The following CNOT4 variants were observed in gnomAD, a reference collection of about 807,000 sequenced individuals.
CNOT4 encodes the protein CCR4-associated factor 4.
In CNOT4, 8 loss-of-function variants were observed where a neutral mutation model predicts 73.8. The ratio of observed to expected loss-of-function variants is 0.11; its 90% confidence interval spans 0.06 to 0.20. The LOEUF (loss-of-function observed/expected upper bound fraction) is 0.20, where lower values mean the gene tolerates loss of function less well. Ranked by LOEUF, CNOT4 falls within the 10% of genes least tolerant of loss-of-function variation. The probability of loss-of-function intolerance (pLI) is 1.00; values close to 1 mark genes in which losing one functional copy is unlikely to be tolerated. For missense variants in CNOT4, 564 were observed against 883.4 expected (o/e 0.64, Z 4.58); for synonymous variants, 293 against 321.1 (o/e 0.91, Z 0.94).
intron 10 of CNOT4, among the ~76,000 whole-genome samples, chr7:135,366,179 G>C (rs1349435825): frequency 2.0e-5 from 3 of 152,198 alleles, no homozygotes; most frequent in Non-Finnish European, 4.4e-5. Context: ...AATAGGGAGA[G>C]AGAGAATATC....
intron 1 of CNOT4, among the ~76,000 whole-genome samples, chr7:135,469,387 G>C (rs573649826): frequency 1.1e-4 from 17 of 152,174 alleles, no homozygotes; most frequent in Admixed American, 1.1e-3. Context: ...TTCTCTTTTT[G>C]TTTAAGCTAG....
At chr7:135,403,477 G>A (rs928960391) in intron 7 of CNOT4, among the ~76,000 whole-genome samples, 1 of 152,166 alleles carries the variant, frequency 6.6e-6, no homozygotes, top group African/African-American at 2.4e-5. Context: ...CAAGAAGCTG[G>A]GTGTAGCACT....
rs1390313158 is a variant in CNOT4, at chr7:135,504,669, G to A, written c.-93+5220C>T. Among the ~76,000 whole-genome samples the A allele has an allele frequency of 3.4e-5, 4 of 118,388 alleles. 1 individual carries two copies. Among genetic ancestry groups the A allele is most frequent in the Non-Finnish European group, 7.0e-5 (4 of 56,744 alleles). The allele number at this position is 118,388 out of a possible 152,430, so 77.7% of individuals were successfully genotyped here. A position where few individuals can be genotyped will look rare whatever the true frequency, so the allele number is the denominator to read the frequency against. On this transcript the variant is annotated intron_variant, in intron 1 of 11. Transcript: ENST00000541284. Reference sequence around the variant, plus strand: ...GCCCGGCTAATTTTTTGTATTTTTAGTAGAGACGGGGTTTCACCGTTTTAG... The same window carrying A: ...GCCCGGCTAATTTTTTGTATTTTTAATAGAGACGGGGTTTCACCGTTTTAG...
intron 1 of CNOT4, among the ~76,000 whole-genome samples, chr7:135,446,774 C>T (rs192625409): frequency 2.4e-4 from 37 of 151,432 alleles, no homozygotes; most frequent in African/African-American, 8.7e-4. Context: ...TATTGTATAG[C>T]ATCTTAAAAG....
chr7:135,390,499 C>T (rs1196119914), intron 10 of CNOT4, among the ~76,000 whole-genome samples: 1 of 151,912 alleles, frequency 6.6e-6, no homozygotes, highest in Non-Finnish European at 1.5e-5. Context: ...ATCAAAATTT[C>T]CCCCAAGAAT....
chr7:135,465,547 T>C (rs1033249477), intron 1 of CNOT4, among the ~76,000 whole-genome samples: 1 of 152,088 alleles, frequency 6.6e-6, no homozygotes, highest in South Asian at 2.1e-4. Flanking sequence ...TTTCTACTTA[T>C]GAAAAAAAGT....
intron 1 of CNOT4, among the ~76,000 whole-genome samples, chr7:135,471,156 A>G (rs1314234477): frequency 1.3e-5 from 2 of 152,140 alleles, no homozygotes; most frequent in Non-Finnish European, 2.9e-5. Flanking sequence ...CTTTTAGAAC[A>G]TACCTTGCAA....
At chr7:135,418,270 C>T (rs527964869) in intron 3 of CNOT4, among the ~76,000 whole-genome samples, 1 of 152,148 alleles carries the variant, frequency 6.6e-6, no homozygotes, top group African/African-American at 2.4e-5. Flanking sequence ...AAACAACTAG[C>T]AAAATAGTAT....
intron 1 of CNOT4, among the ~76,000 whole-genome samples, chr7:135,439,695 G>A (rs965974923): frequency 1.3e-5 from 2 of 152,140 alleles, no homozygotes; most frequent in African/African-American, 4.8e-5. Context: ...CAGGAGCATC[G>A]CTTGAGCCCA....
intron 1 of CNOT4, among the ~76,000 whole-genome samples, chr7:135,504,908 G>A (rs946929719): frequency 1.3e-5 from 2 of 152,090 alleles, no homozygotes; most frequent in Non-Finnish European, 2.9e-5. Context: ...GATTACAGGC[G>A]TGAGCCACCG....
At chr7:135,465,723 G>T (rs1801176963) in intron 1 of CNOT4, among the ~76,000 whole-genome samples, 1 of 150,342 alleles carries the variant, frequency 6.7e-6, no homozygotes, top group Non-Finnish European at 1.5e-5. Context: ...GCATGTGTGT[G>T]TGTTTAACAA....
At chr7:135,418,830 C>T (rs1798015826) in intron 3 of CNOT4, among the ~76,000 whole-genome samples, 1 of 152,086 alleles carries the variant, frequency 6.6e-6, no homozygotes, top group Admixed American at 6.6e-5. Flanking sequence ...AGCTTTTTGT[C>T]AATCTCCACA....
At chr7:135,415,139 A>G in intron 4 of CNOT4, 37 bp downstream of exon 4, 1 of 1,232,152 alleles carries the variant, frequency 8.1e-7, no homozygotes, top group Non-Finnish European at 1.2e-6. Flanking sequence ...AGCCCAGACC[A>G]TAGGGAGGAA....
intron 6 of CNOT4, 138 bp from the exon 7 acceptor site, chr7:135,410,786 T>C: frequency 1.8e-6 from 1 of 554,166 alleles, no homozygotes; most frequent in East Asian, 8.6e-5. Context: ...TAAATAAATT[T>C]TAAATAAATT....
At chr7:135,430,564 G>A (rs1798767138) in intron 2 of CNOT4, among the ~76,000 whole-genome samples, 1 of 152,022 alleles carries the variant, frequency 6.6e-6, no homozygotes, top group Admixed American at 6.6e-5. Flanking sequence ...AGAATTGCTT[G>A]AGCCCAGGAG....
At chr7:135,367,334 A>G (rs1198582770) in intron 10 of CNOT4, among the ~76,000 whole-genome samples, 1 of 152,138 alleles carries the variant, frequency 6.6e-6, no homozygotes, top group African/African-American at 2.4e-5. Context: ...TTCTTTATAC[A>G]GGACTTCACA....
Position 135,445,006 on chromosome 7 carries a change from A to G in CNOT4, c.-92-6583T>C. 3.6e-6 allele frequency: 3 copies of G among 828,060 alleles called. No individual in the cohort carries two copies. In the Admixed American group the frequency reaches 5.3e-5, roughly 15 times the overall value. 51.3% of individuals were successfully genotyped at this position (828,060 alleles called of 1,614,324 possible). On this transcript the variant is annotated intron_variant, in intron 1 of 11. Coordinates refer to ENST00000541284, the MANE Select transcript of CNOT4 (RefSeq NM_001190850.2). ...TGCTTGTCATGCCATTAAGCTCACA[A>G]TAAGGAAGAAATAACAGATAAGTCT...
chr7:135,455,460 T>A (rs970901409), intron 1 of CNOT4, among the ~76,000 whole-genome samples: 3 of 151,954 alleles, frequency 2.0e-5, no homozygotes, highest in African/African-American at 7.3e-5. Context: ...TAAAAAACAA[T>A]TTCAAAATAA....
At chr7:135,438,561 G>T in intron 1 of CNOT4, 138 bp from the exon 2 acceptor site, 1 of 358,442 alleles carries the variant, frequency 2.8e-6, no homozygotes. Context: ...CTTTCAGAAT[G>T]GATTTCTGAA....
Sources: gnomAD v4.1 joint callset for allele counts (sites outside exome capture counted in the v4.1 genomes callset) on GRCh38, gnomAD v4.1.1 for gene constraint, MANE v1.5 for transcripts, NCBI Gene and HGNC (gene_info 2026-07-23, HGNC 2026-07-21) for gene names.